The following LARP1 variants were observed in gnomAD, a reference collection of about 807,000 sequenced individuals.
The protein encoded by LARP1 is la-related protein 1.
A neutral mutation model predicts 122.7 loss-of-function variants in LARP1; 36 were observed. The ratio of observed to expected loss-of-function variants is 0.29; its 90% confidence interval spans 0.22 to 0.39. The LOEUF is 0.39. LARP1 is among the 10% of genes least tolerant of loss of function. LARP1 has a pLI of 1.00. For missense variants in LARP1, 1,040 were observed against 1,403.6 expected, an observed-to-expected ratio of 0.74 and a Z score of 4.14; for synonymous variants, 539 against 528.7, an observed-to-expected ratio of 1.02 and a Z score of -0.27.
intron 15 of LARP1, among the ~76,000 whole-genome samples, chr5:154,808,119 AGTTT>A (rs1561633295): frequency 6.6e-6 from 1 of 152,234 alleles, no homozygotes; most frequent in South Asian, 2.1e-4. Flanking sequence ...AGCTAAATAC[AGTTT>A]GTTAGAATTT....
chr5:154,779,838 G>T (rs1396952522), intron 1 of LARP1, among the ~76,000 whole-genome samples: 1 of 152,044 alleles, frequency 6.6e-6, no homozygotes, highest in African/African-American at 2.4e-5. Context: ...GGGTGTGCTG[G>T]TGCCTTGAGA....
intron 1 of LARP1, among the ~76,000 whole-genome samples, chr5:154,762,587 G>T (rs753493357): frequency 3.7e-4 from 57 of 152,254 alleles, no homozygotes; most frequent in Non-Finnish European, 7.2e-4. Flanking sequence ...GGGGAGGGGA[G>T]GATTGTGGGT....
chr5:154,717,874 T>A (rs376566203), intron 1 of LARP1, among the ~76,000 whole-genome samples: 1 of 150,864 alleles, frequency 6.6e-6, no homozygotes, highest in South Asian at 2.1e-4. Context: ...CTGACACATA[T>A]ACACACACAC....
chr5:154,795,107 A>G, intron 7 of LARP1, 68 bp from the exon 8 acceptor site: 1 of 1,481,074 alleles, frequency 6.8e-7, no homozygotes. Flanking sequence ...GTAGCAGAAC[A>G]AGGAAGGCAT....
At chr5:154,741,736 G>A in intron 1 of LARP1, among the ~76,000 whole-genome samples, 1 of 152,184 alleles carries the variant, frequency 6.6e-6, no homozygotes, top group Non-Finnish European at 1.5e-5. Flanking sequence ...GGAGCATAGA[G>A]GGTATGTGGG....
At chr5:154,750,133 A>G (rs751387002) in intron 1 of LARP1, among the ~76,000 whole-genome samples, 4 of 152,246 alleles carry the variant, frequency 2.6e-5, no homozygotes, top group Non-Finnish European at 5.9e-5. Flanking sequence ...CTCTTTAGGA[A>G]GTTGTCAGCA....
upstream of LARP1, among the ~76,000 whole-genome samples, chr5:154,754,597 C>G (rs1344390081): frequency 1.3e-5 from 2 of 152,240 alleles, no homozygotes; most frequent in Admixed American, 6.5e-5. Context: ...GGGAGAAGGG[C>G]CTGGCCTGGG....
chr5:154,694,518 C>T (rs1179186849), intron 1 of LARP1, among the ~76,000 whole-genome samples: 1 of 152,126 alleles, frequency 6.6e-6, no homozygotes, highest in Non-Finnish European at 1.5e-5. Context: ...CCTTGACTTC[C>T]CAAAGCACTG....
intron 1 of LARP1, among the ~76,000 whole-genome samples, chr5:154,788,887 T>C (rs1455962975): frequency 1.3e-5 from 2 of 152,214 alleles, no homozygotes; most frequent in East Asian, 1.9e-4. Flanking sequence ...TGTGTGTGCA[T>C]GTGCACATTT....
intron 8 of LARP1, among the ~76,000 whole-genome samples, chr5:154,798,534 T>C (rs1432150030): frequency 2.0e-5 from 3 of 152,218 alleles, no homozygotes; most frequent in Non-Finnish European, 4.4e-5. Flanking sequence ...TTTTGGTTGT[T>C]TTTTTGAGAC....
chr5:154,745,609 GC>G, intron 1 of LARP1, among the ~76,000 whole-genome samples: 1 of 152,218 alleles, frequency 6.6e-6, no homozygotes, highest in Non-Finnish European at 1.5e-5. Context: ...AGGTGGCAGA[GC>G]TGAGACTATC....
chr5:154,739,061 G>A (rs1371985206), intron 1 of LARP1, among the ~76,000 whole-genome samples: 1 of 152,180 alleles, frequency 6.6e-6, no homozygotes, highest in Admixed American at 6.5e-5. Flanking sequence ...TGTCACCCAG[G>A]CTGGAGTGCA....
intron 8 of LARP1, 140 bp downstream of exon 8, chr5:154,795,459 C>G (rs2113791893): frequency 2.7e-6 from 2 of 736,822 alleles, no homozygotes; most frequent in East Asian, 2.8e-5. Flanking sequence ...CTAGTCTCCT[C>G]CTCTCCCTCC....
chr5:154,685,154 G>T (rs7717196), intron 1 of LARP1, among the ~76,000 whole-genome samples: 14,005 of 151,850 alleles, frequency 0.092, 1,064 homozygotes, highest in African/African-American at 0.2. Flanking sequence ...TGAGGCAGGA[G>T]AATCACTTGA....
chr5:154,812,107 T>A (rs1192290793), intron 18 of LARP1, among the ~76,000 whole-genome samples: 1 of 152,126 alleles, frequency 6.6e-6, no homozygotes, highest in Non-Finnish European at 1.5e-5. Flanking sequence ...CAAGGGAAGT[T>A]GGAGTGATTT....
At chr5:154,697,704 T>G (rs1267948459) in intron 1 of LARP1, among the ~76,000 whole-genome samples, 1 of 152,224 alleles carries the variant, frequency 6.6e-6, no homozygotes, top group Non-Finnish European at 1.5e-5. Context: ...ATGTCCAGAA[T>G]AGGCAAATTC....
intron 1 of LARP1, among the ~76,000 whole-genome samples, chr5:154,735,106 T>C (rs1204700755): frequency 6.6e-6 from 1 of 152,212 alleles, no homozygotes; most frequent in South Asian, 2.1e-4. Context: ...TTTCCATCTC[T>C]TAGCTATTGT....
chr5:154,723,630 T>C (rs1345641876), intron 1 of LARP1, among the ~76,000 whole-genome samples: 2 of 152,230 alleles, frequency 1.3e-5, no homozygotes, highest in Non-Finnish European at 2.9e-5. Context: ...GGTACCATTT[T>C]GTCTCATTTA....
chr5:154,700,476 G>A (rs570892953), intron 1 of LARP1, among the ~76,000 whole-genome samples: 4 of 152,160 alleles, frequency 2.6e-5, no homozygotes, highest in East Asian at 2.0e-4. Flanking sequence ...AGGCTGCAGT[G>A]AGCCATGATC....
Sources: allele counts gnomAD v4.1 joint callset (sites outside exome capture counted in the v4.1 genomes callset), GRCh38; gene constraint gnomAD v4.1.1; transcripts MANE v1.5; gene names NCBI Gene and HGNC (gene_info 2026-07-23, HGNC 2026-07-21).